Variants in POLA1 observed in about 807,000 individuals in gnomAD.
The protein encoded by POLA1 is DNA polymerase alpha catalytic subunit.
POLA1 carries 15 observed loss-of-function variants against 124.0 expected under a neutral mutation model. That is an observed-to-expected ratio of 0.12 (90% CI 0.08 to 0.19). The LOEUF (loss-of-function observed/expected upper bound fraction) is 0.19. Among genes scored for constraint, POLA1 ranks in the 10% least tolerant of loss-of-function variants. The pLI is 1.00. For synonymous variants in POLA1, 408 were observed against 389.4 expected, an observed-to-expected ratio of 1.05 and a Z score of -0.56; for missense variants, 886 against 1,103.4, an observed-to-expected ratio of 0.80 and a Z score of 2.79.
At chrX:24,752,268 A>G (rs1225163180) in intron 26 of POLA1, among the ~76,000 whole-genome samples, 1 of 112,438 alleles carries the variant, frequency 8.9e-6, no homozygotes, top group East Asian at 2.8e-4. Context: ...ATGGGCATCA[A>G]TATTGTCTTT....
intron 6 of POLA1, among the ~76,000 whole-genome samples, chrX:24,715,549 C>T (rs1233159517): frequency 8.9e-6 from 1 of 112,193 alleles, no homozygotes; most frequent in Non-Finnish European, 1.9e-5. Flanking sequence ...CTGTCTTGGC[C>T]TCCCAAAGTG....
At chrX:24,812,986 T>G in intron 29 of POLA1, 123 bp downstream of exon 29, 1 of 385,769 alleles carries the variant, frequency 2.6e-6, no homozygotes, top group Non-Finnish European at 4.5e-6. Flanking sequence ...TTTATTATTC[T>G]TATTAATAAG....
intron 36 of POLA1, among the ~76,000 whole-genome samples, chrX:24,945,771 T>G (rs1206645352): frequency 9.0e-6 from 1 of 110,878 alleles, no homozygotes; most frequent in Non-Finnish European, 1.9e-5. Context: ...TAAGTTTGAC[T>G]TTGATATAGA....
intron 26 of POLA1, among the ~76,000 whole-genome samples, chrX:24,783,083 TC>T (rs1277204307): frequency 5.5e-5 from 6 of 109,580 alleles, no homozygotes; most frequent in Non-Finnish European, 1.1e-4. Flanking sequence ...CTTATATTGT[TC>T]CTTCAGTTAT....
chrX:24,865,630 C>T (rs1045915498), intron 34 of POLA1, among the ~76,000 whole-genome samples: 11 of 111,234 alleles, frequency 9.9e-5, no homozygotes, highest in South Asian at 7.6e-4. Flanking sequence ...ATAAAAACTA[C>T]GGAATGGAGT....
chrX:24,744,017 T>A (rs766892663), intron 23 of POLA1, among the ~76,000 whole-genome samples: 1 of 109,972 alleles, frequency 9.1e-6, no homozygotes, highest in South Asian at 4.0e-4. Context: ...CTTAGCCTCC[T>A]GAGTAGCTAG....
rs769614900 is a variant in POLA1, at chrX:24,725,946, G to A, written c.1318-35G>A. On this transcript the variant is annotated intron_variant, in intron 12 of 36. Transcript: ENST00000379068. ...ATACTGGTTAGTTTGTGAAGTTTTT[G>A]TCTTAAGGATTTTTTAAAATATCTA... 5.5e-6 allele frequency: 5 copies of A among 908,529 alleles called. No homozygotes were observed. In the Admixed American group the frequency reaches 1.3e-4, roughly 23 times the overall value. 74.9% of individuals were successfully genotyped at this position (908,529 alleles called of 1,213,427 possible).
At chrX:24,905,927 G>A (rs768929956) in intron 35 of POLA1, among the ~76,000 whole-genome samples, 7 of 111,741 alleles carry the variant, frequency 6.3e-5, no homozygotes, top group Non-Finnish European at 1.3e-4. Flanking sequence ...GTAAATTATC[G>A]GGGAAATGCA....
At chrX:24,949,176 A>G (rs892329383) in intron 36 of POLA1, among the ~76,000 whole-genome samples, 2 of 112,281 alleles carry the variant, frequency 1.8e-5, no homozygotes, top group Non-Finnish European at 3.7e-5. Flanking sequence ...TAGAAACCAG[A>G]GGTCGCATAG....
At chrX:24,951,440 G>A (rs1279788294) in intron 36 of POLA1, among the ~76,000 whole-genome samples, 1 of 98,147 alleles carries the variant, frequency 1.0e-5, no homozygotes, top group African/African-American at 3.8e-5. Context: ...AGGCAACTCT[G>A]CAGCACTCTT....
chrX:24,754,473 T>TG (rs902829083), intron 26 of POLA1, among the ~76,000 whole-genome samples: 2 of 110,738 alleles, frequency 1.8e-5, no homozygotes, highest in African/African-American at 6.6e-5. Flanking sequence ...AGGCTGGTCT[T>TG]GAACTCCTGA....
intron 34 of POLA1, among the ~76,000 whole-genome samples, chrX:24,885,249 TTAAC>T (rs1487529733): frequency 1.8e-5 from 2 of 111,682 alleles, no homozygotes; most frequent in African/African-American, 6.5e-5. Flanking sequence ...GTTGGCAGTG[TTAAC>T]TAACTACATA....
chrX:24,923,092 C>T (rs984165005), intron 35 of POLA1, among the ~76,000 whole-genome samples: 2 of 111,468 alleles, frequency 1.8e-5, no homozygotes, highest in Non-Finnish European at 3.8e-5. Context: ...GATATTTCAA[C>T]ATCTGCAGTA....
chrX:24,961,666 G>A (rs2048169572), intron 36 of POLA1, among the ~76,000 whole-genome samples: 2 of 111,299 alleles, frequency 1.8e-5, no homozygotes, highest in African/African-American at 3.3e-5. Flanking sequence ...CCAAGAATGG[G>A]TTTCACCTGA....
rs768071181 is a variant in POLA1 at position 24,995,808 on chromosome X, A to T, written c.4265A>T (p.Lys1422Ile). Residue 1422 changes from lysine (K) to isoleucine (I), a missense_variant, in exon 37 of 37, where the codon AAA becomes ATA. Lys to Ile is a moderately radical substitution (Grantham distance 102, BLOSUM62 -3). Around this residue, in one of 7 missense-constraint regions of POLA1, gnomAD observed 313 missense variants for 359.7 expected, o/e 0.87. Coordinates refer to ENST00000379068, the MANE Select transcript of POLA1 (RefSeq NM_001330360.2). ...ATCTCTCTCTCTCTCTTTTTAGATA[A>T]ATTGAAGAAGCAATTTTTTACCCCC... ...EKLTTDHEKD[K>I]LKKQFFTPKV... The T allele has an allele frequency of 8.3e-6, 10 of 1,201,740 alleles. No homozygotes were observed. The highest frequency in any genetic ancestry group is 1.0e-5 in the Non-Finnish European group (9 of 888,833).
At chrX:24,801,962 T>TGTGTGTGTGTGTGTGTGTGTGTGA (rs1368649281) in intron 26 of POLA1, among the ~76,000 whole-genome samples, 1 of 106,586 alleles carries the variant, frequency 9.4e-6, no homozygotes, top group African/African-American at 3.5e-5. Context: ...TGTGTGTGTG[T>TGTGTGTGTGTGTGTGTGTGTGTGA]GTGTGTGTGA....
chrX:24,869,247 G>T (rs948047998), intron 34 of POLA1, among the ~76,000 whole-genome samples: 1 of 112,640 alleles, frequency 8.9e-6, no homozygotes, highest in African/African-American at 3.2e-5. Flanking sequence ...AATTACTCTT[G>T]ATCACACAAG....
intron 35 of POLA1, among the ~76,000 whole-genome samples, chrX:24,902,115 T>G (rs995557784): frequency 1.8e-5 from 2 of 112,076 alleles, no homozygotes; most frequent in African/African-American, 6.5e-5. Context: ...TGTGTGTTCA[T>G]ATGCAGGTGT....
intron 26 of POLA1, among the ~76,000 whole-genome samples, chrX:24,793,345 A>G (rs1164587002): frequency 9.4e-6 from 1 of 106,546 alleles, no homozygotes; most frequent in Non-Finnish European, 1.9e-5. Flanking sequence ...GTGTGAGTCT[A>G]CTTTCAGGAG....
Sources: allele counts gnomAD v4.1 joint callset (sites outside exome capture counted in the v4.1 genomes callset), GRCh38; gene constraint gnomAD v4.1.1; regional missense constraint gnomAD v4.1.1; transcripts MANE v1.5; gene names NCBI Gene and HGNC (gene_info 2026-07-23, HGNC 2026-07-21).